SMCHD1: variants seen among roughly 807,000 people sequenced by gnomAD.
SMCHD1 encodes structural maintenance of chromosomes flexible hinge domain-containing protein 1.
Under a neutral mutation model 254.7 loss-of-function variants are expected in SMCHD1, and 78 were observed. That is an observed-to-expected ratio of 0.31 (90% CI 0.26 to 0.37). The LOEUF (loss-of-function observed/expected upper bound fraction) is 0.37, where lower values mean the gene tolerates loss of function less well. Ranked by LOEUF, SMCHD1 falls within the 10% of genes least tolerant of loss-of-function variation. The pLI, the probability that SMCHD1 is intolerant of heterozygous loss-of-function variation, is 1.00. For missense variants in SMCHD1, 1,840 were observed against 2,408.1 expected, an observed-to-expected ratio of 0.76 and a Z score of 4.94; for synonymous variants, 766 against 794.9, an observed-to-expected ratio of 0.96 and a Z score of 0.61.
At chr18:2,695,029 G>T (rs752462017) in intron 8 of SMCHD1, among the ~76,000 whole-genome samples, 12 of 140,948 alleles carry the variant, frequency 8.5e-5, no homozygotes, top group Non-Finnish European at 1.4e-4. Context: ...AGGACCTGTC[G>T]TAATCTTCCA....
chr18:2,721,621 T>C (rs536181224), intron 19 of SMCHD1, among the ~76,000 whole-genome samples: 2 of 152,166 alleles, frequency 1.3e-5, no homozygotes, highest in Non-Finnish European at 2.9e-5. Context: ...TACCAAGAAG[T>C]GGACATCCCA....
chr18:2,673,448 ATAAAAC>A, intron 4 of SMCHD1, 85 bp downstream of exon 4: 1 of 977,288 alleles, frequency 1.0e-6, no homozygotes, highest in Admixed American at 3.4e-5. Context: ...GAAAATAGAG[ATAAAAC>A]TAAAAGTAGA....
intron 3 of SMCHD1, among the ~76,000 whole-genome samples, chr18:2,667,732 C>G (rs1022728238): frequency 2.2e-4 from 33 of 152,100 alleles, no homozygotes; most frequent in South Asian, 1.4e-3. Context: ...CAGACCTTTT[C>G]ATATTATTTG....
In SMCHD1 at chr18:2,729,384, C is replaced by G; in HGVS notation, c.3023C>G (p.Thr1008Arg). Residue 1008 changes from threonine (T) to arginine (R), a missense_variant, in exon 24 of 48, where the codon ACG becomes AGG. Thr to Arg is a moderately conservative substitution (Grantham distance 71). Around this residue, in one of 9 missense-constraint regions of SMCHD1, gnomAD observed 881 missense variants for 1,009.5 expected, o/e 0.87. Transcript: ENST00000320876. ...IQVQNIKKDQ[T>R]LKARIEIPSC... ...GTTCAGAATATTAAAAAAGACCAGACGCTTAAAGCAAGAATTGAAATACCT... is the reference window on the plus strand; with the variant it reads ...GTTCAGAATATTAAAAAAGACCAGAGGCTTAAAGCAAGAATTGAAATACCT... The G allele has an allele frequency of 6.5e-7, 1 of 1,535,698 alleles. No individual in the cohort carries two copies. Among genetic ancestry groups the G allele is most frequent in the Non-Finnish European group, 8.8e-7 (1 of 1,142,282 alleles).
At chr18:2,755,788 C>T (rs986008654) in intron 34 of SMCHD1, among the ~76,000 whole-genome samples, 2 of 151,192 alleles carry the variant, frequency 1.3e-5, no homozygotes, top group African/African-American at 2.4e-5. Context: ...AGGATGATCT[C>T]GATCTTCTGA....
intron 17 of SMCHD1, among the ~76,000 whole-genome samples, chr18:2,711,142 AT>A (rs201031648): frequency 0.066 from 9,750 of 148,220 alleles, 519 homozygotes; most frequent in East Asian, 0.32. Flanking sequence ...CACCCAGCTA[AT>A]TTTTTTTTTT....
At chr18:2,711,575 C>T (rs1276236291) in intron 17 of SMCHD1, among the ~76,000 whole-genome samples, 49 of 148,980 alleles carry the variant, frequency 3.3e-4, no homozygotes, top group African/African-American at 9.8e-4. Context: ...CTCCGCCTCC[C>T]GGGTTCACGC....
Position 2,739,417 on chromosome 18 carries a change from G to A in SMCHD1, c.3426-15G>A, listed in dbSNP as rs529637386. Reference sequence around the variant, plus strand: ...TGGTGTCACTAAAGACTTCTAACTTGTTAAACAATTTCAGACCACTTCCTG... The same window carrying A: ...TGGTGTCACTAAAGACTTCTAACTTATTAAACAATTTCAGACCACTTCCTG... On this transcript the variant is annotated splice_polypyrimidine_tract_variant and intron_variant, in intron 26 of 47. Transcript: ENST00000320876. 21 of 1,607,208 alleles carry A rather than the reference G, an allele frequency of 1.3e-5. No homozygotes were observed. Among genetic ancestry groups the A allele is most frequent in the Non-Finnish European group, 8.5e-7 (1 of 1,174,260 alleles).
At chr18:2,672,070 C>T (rs896969611) in intron 3 of SMCHD1, among the ~76,000 whole-genome samples, 1 of 152,170 alleles carries the variant, frequency 6.6e-6, no homozygotes, top group Non-Finnish European at 1.5e-5. Context: ...CCATTTCCTA[C>T]AGTGTCCCTT....
chr18:2,797,751 CCT>C lies in SMCHD1; in HGVS notation c.5993+1231_5993+1232del, dbSNP rs549164260. Among the ~76,000 whole-genome samples the C allele has an allele frequency of 8.3e-4, 126 of 152,136 alleles. 1 individual carries two copies. The highest frequency in any genetic ancestry group is 3.4e-3 in the Middle Eastern group (1 of 294). ...ACCAGCCTGGCCAACATGGCAAAAC[CCT>C]GTCTCTACTAAAAATAAGCCAGTCA... is the stretch of plus-strand genomic sequence containing the variant. On this transcript the variant is annotated intron_variant, in intron 47 of 47. Transcript: ENST00000320876.
intron 41 of SMCHD1, among the ~76,000 whole-genome samples, chr18:2,773,482 A>G (rs187912521): frequency 6.6e-6 from 1 of 152,258 alleles, no homozygotes; most frequent in East Asian, 1.9e-4. Context: ...AAATCTTTGA[A>G]ATTTCGTTTT....
chr18:2,725,162 A>T (rs1213703095), intron 21 of SMCHD1, among the ~76,000 whole-genome samples, 167 bp downstream of exon 21: 2 of 152,134 alleles, frequency 1.3e-5, no homozygotes, highest in African/African-American at 2.4e-5. Flanking sequence ...TATCAGTTAC[A>T]TCTGTAAGAA....
At chr18:2,667,987 C>G in intron 3 of SMCHD1, among the ~76,000 whole-genome samples, 1 of 152,180 alleles carries the variant, frequency 6.6e-6, no homozygotes, top group Non-Finnish European at 1.5e-5. Context: ...TCAAGTGATT[C>G]TCCTGCCTCT....
At chr18:2,719,677 A>ATTTT (rs59838462) in intron 19 of SMCHD1, among the ~76,000 whole-genome samples, 1 of 144,800 alleles carries the variant, frequency 6.9e-6, no homozygotes, top group Non-Finnish European at 1.5e-5. Context: ...ACTGCACCTA[A>ATTTT]TTTTTTTTTT....
At chr18:2,667,616 A>C (rs1261424349) in intron 3 of SMCHD1, among the ~76,000 whole-genome samples, 1 of 152,170 alleles carries the variant, frequency 6.6e-6, no homozygotes, top group African/African-American at 2.4e-5. Flanking sequence ...TTCTCATTAT[A>C]TGTGTATTTG....
intron 5 of SMCHD1, among the ~76,000 whole-genome samples, chr18:2,685,864 T>C (rs1386824016): frequency 6.6e-6 from 1 of 152,218 alleles, no homozygotes; most frequent in Non-Finnish European, 1.5e-5. Context: ...TATCAGTTCA[T>C]AGATTAATGG....
At chr18:2,784,779 A>G in intron 45 of SMCHD1, 158 bp downstream of exon 45, 1 of 789,778 alleles carries the variant, frequency 1.3e-6, no homozygotes, top group Non-Finnish European at 2.1e-6. Context: ...CAGCTTTTTT[A>G]TATCAGGTAG....
intron 19 of SMCHD1, among the ~76,000 whole-genome samples, chr18:2,719,260 C>T (rs2074871489): frequency 6.7e-6 from 1 of 150,278 alleles, no homozygotes; most frequent in Admixed American, 6.7e-5. Context: ...CTCCTCTCCT[C>T]TCCTCTCTCC....
chr18:2,802,402 A>G (rs765187737), intron 47 of SMCHD1, 126 bp from the exon 48 acceptor site: 1 of 698,808 alleles, frequency 1.4e-6, no homozygotes, highest in Non-Finnish European at 2.3e-6. Context: ...AAATCTGTTT[A>G]TACCAAGAAT....
Sources: allele counts gnomAD v4.1 joint callset (sites outside exome capture counted in the v4.1 genomes callset), GRCh38; gene constraint gnomAD v4.1.1; regional missense constraint gnomAD v4.1.1; transcripts MANE v1.5; gene names NCBI Gene and HGNC (gene_info 2026-07-23, HGNC 2026-07-21).